EDIL3: variants seen among roughly 807,000 people sequenced by gnomAD.
EDIL3 encodes the protein EGF-like repeat and discoidin I-like domain-containing protein 3.
A neutral mutation model predicts 67.4 loss-of-function variants in EDIL3; 37 were observed. That is an observed-to-expected ratio of 0.55 (90% CI 0.42 to 0.72). EDIL3 has a LOEUF of 0.72. EDIL3 is among the 30% of genes least tolerant of loss of function. EDIL3 has a pLI of 0.00. For synonymous variants in EDIL3, 195 were observed against 196.3 expected, an observed-to-expected ratio of 0.99 and a Z score of 0.05; for missense variants, 527 against 586.3, an observed-to-expected ratio of 0.90 and a Z score of 1.04.
chr5:84,182,161 G>C (rs1749024290), intron 3 of EDIL3, among the ~76,000 whole-genome samples: 1 of 151,986 alleles, frequency 6.6e-6, no homozygotes, highest in African/African-American at 2.4e-5. Flanking sequence ...ACGAGGTGGT[G>C]CACGCCTGTA....
chr5:84,061,557 T>C (rs558738641), intron 8 of EDIL3, among the ~76,000 whole-genome samples: 1 of 152,250 alleles, frequency 6.6e-6, no homozygotes, highest in African/African-American at 2.4e-5. Context: ...AACCCAATAC[T>C]TTCTCCTCAC....
chr5:84,227,813 T>G (rs1426502379), intron 3 of EDIL3, among the ~76,000 whole-genome samples: 1 of 152,066 alleles, frequency 6.6e-6, no homozygotes, highest in Non-Finnish European at 1.5e-5. Context: ...CAAAAATTAA[T>G]GCAGGATCAG....
intron 3 of EDIL3, among the ~76,000 whole-genome samples, chr5:84,182,326 T>G (rs1749028182): frequency 6.6e-6 from 1 of 151,198 alleles, no homozygotes; most frequent in Admixed American, 6.6e-5. Context: ...CATGCTGGTG[T>G]GCACCTGTAG....
intron 1 of EDIL3, among the ~76,000 whole-genome samples, chr5:84,350,860 TTTAC>T (rs1235523244): frequency 6.6e-6 from 1 of 152,142 alleles, no homozygotes; most frequent in Non-Finnish European, 1.5e-5. Context: ...AATGAAATAA[TTTAC>T]TTATCATTTA....
At chr5:84,266,548 A>ACCTTAAAG (rs1451129889) in intron 1 of EDIL3, among the ~76,000 whole-genome samples, 8 of 152,104 alleles carry the variant, frequency 5.3e-5, no homozygotes, top group African/African-American at 1.9e-4. Flanking sequence ...GTTATATAAA[A>ACCTTAAAG]CCTTGGGGAA....
intron 4 of EDIL3, among the ~76,000 whole-genome samples, chr5:84,150,111 A>T (rs1451455899): frequency 6.6e-6 from 1 of 152,156 alleles, no homozygotes; most frequent in Non-Finnish European, 1.5e-5. Flanking sequence ...AAGAAACACG[A>T]AGAAAGCTAC....
chr5:84,216,714 A>T (rs1196584649), intron 3 of EDIL3, among the ~76,000 whole-genome samples: 2 of 152,258 alleles, frequency 1.3e-5, no homozygotes, highest in African/African-American at 4.8e-5. Context: ...CTGAATAAAA[A>T]AATCATAATC....
chr5:84,382,979 G>A (rs1279774973), intron 1 of EDIL3, among the ~76,000 whole-genome samples: 1 of 152,126 alleles, frequency 6.6e-6, no homozygotes, highest in Non-Finnish European at 1.5e-5. Context: ...GCGAACAGTC[G>A]CCCAAGAGTC....
chr5:83,947,165 G>A (rs1744324226), intron 10 of EDIL3, among the ~76,000 whole-genome samples: 1 of 151,908 alleles, frequency 6.6e-6, no homozygotes, highest in Non-Finnish European at 1.5e-5. Flanking sequence ...CCGCATCTGG[G>A]ATTTCAGATA....
At chr5:84,009,642 G>T (rs1213121566) in intron 9 of EDIL3, among the ~76,000 whole-genome samples, 1 of 152,070 alleles carries the variant, frequency 6.6e-6, no homozygotes, top group African/African-American at 2.4e-5. Context: ...TAATGATATC[G>T]AGAGCTGTCA....
intron 2 of EDIL3, among the ~76,000 whole-genome samples, chr5:84,244,078 C>G (rs1265832317): frequency 6.6e-6 from 1 of 152,028 alleles, no homozygotes; most frequent in Non-Finnish European, 1.5e-5. Context: ...GAAACGATGA[C>G]ATCTACTTTA....
intron 1 of EDIL3, among the ~76,000 whole-genome samples, chr5:84,279,638 T>C (rs933593476): frequency 6.6e-6 from 1 of 152,210 alleles, no homozygotes; most frequent in African/African-American, 2.4e-5. Context: ...TTTGGATGGA[T>C]GCCTTGGTCT....
chr5:84,172,968 G>C (rs1748838294), intron 4 of EDIL3, among the ~76,000 whole-genome samples: 1 of 152,146 alleles, frequency 6.6e-6, no homozygotes, highest in African/African-American at 2.4e-5. Context: ...TGCTGGCTCT[G>C]GGTCTGCTCT....
chr5:84,232,794 T>A (rs1744609548), intron 2 of EDIL3, among the ~76,000 whole-genome samples: 1 of 152,148 alleles, frequency 6.6e-6, no homozygotes, highest in African/African-American at 2.4e-5. Context: ...TTTAGTTATC[T>A]CTGTAACAAA....
chr5:84,376,843 A>G (rs1453170742), intron 1 of EDIL3, among the ~76,000 whole-genome samples: 6 of 152,336 alleles, frequency 3.9e-5, no homozygotes, highest in East Asian at 3.9e-4. Context: ...CAAAACATGA[A>G]ACAAGAACTT....
At chr5:84,054,693 T>C (rs915910324) in intron 9 of EDIL3, among the ~76,000 whole-genome samples, 21 of 151,950 alleles carry the variant, frequency 1.4e-4, no homozygotes, top group African/African-American at 5.1e-4. Flanking sequence ...AAATGATGAG[T>C]GAACTCCCAT....
chr5:84,218,305 C>A (rs1052083132), intron 3 of EDIL3, among the ~76,000 whole-genome samples: 1 of 152,136 alleles, frequency 6.6e-6, no homozygotes, highest in African/African-American at 2.4e-5. Context: ...TTCTAGGCAA[C>A]GCAGTTTAAC....
intron 9 of EDIL3, among the ~76,000 whole-genome samples, chr5:84,057,164 T>A (rs1249740838): frequency 6.6e-6 from 1 of 152,136 alleles, no homozygotes; most frequent in Non-Finnish European, 1.5e-5. Flanking sequence ...CTCCTTGAAT[T>A]AACACAAAGT....
In EDIL3 at chr5:84,072,588, C is replaced by G. The variant is rs114993530; in HGVS notation, c.652-5982G>C. On this transcript the variant is annotated intron_variant, in intron 6 of 10. Coordinates refer to ENST00000296591, the MANE Select transcript of EDIL3 (RefSeq NM_005711.5). ...GTTATATGTAACAATGACAAACACA[C>G]ATCCTCTTTAACTCAGCAATTCTAT... Among the ~76,000 whole-genome samples the G allele has an allele frequency of 7.2e-3, 1,101 of 152,292 alleles. 15 individuals are homozygous for G. The highest frequency in any genetic ancestry group is 0.025 in the African/African-American group (1,059 of 41,564).
Sources: allele counts gnomAD v4.1 joint callset (sites outside exome capture counted in the v4.1 genomes callset), GRCh38; gene constraint gnomAD v4.1.1; transcripts MANE v1.5; gene names NCBI Gene and HGNC (gene_info 2026-07-23, HGNC 2026-07-21).